The following FSTL4 variants were observed in gnomAD, a reference collection of about 807,000 sequenced individuals.
FSTL4 encodes the protein follistatin-related protein 4.
A neutral mutation model predicts 78.2 loss-of-function variants in FSTL4; 28 were observed. The ratio of observed to expected loss-of-function variants is 0.36; its 90% CI spans 0.27 to 0.49. FSTL4 has a LOEUF of 0.49. Among genes scored for constraint, FSTL4 ranks in the 20% least tolerant of loss-of-function variants. The pLI is 0.98. For synonymous variants in FSTL4, 422 were observed against 440.5 expected, an observed-to-expected ratio of 0.96 and a Z score of 0.53; for missense variants, 922 against 1,084.9, an observed-to-expected ratio of 0.85 and a Z score of 2.11.
At chr5:133,556,652 A>C (rs1159395059) in intron 3 of FSTL4, among the ~76,000 whole-genome samples, 1 of 152,146 alleles carries the variant, frequency 6.6e-6, no homozygotes, top group Non-Finnish European at 1.5e-5. Flanking sequence ...GCTTGAACCC[A>C]GGAGGCAGAG....
At chr5:133,475,705 C>T (rs1369992739) in intron 3 of FSTL4, among the ~76,000 whole-genome samples, 4 of 152,158 alleles carry the variant, frequency 2.6e-5, no homozygotes, top group South Asian at 2.1e-4. Context: ...AAGTAATAGG[C>T]AAGTCGGAAT....
At chr5:133,332,551 G>A (rs1422423563) in intron 4 of FSTL4, among the ~76,000 whole-genome samples, 26 of 152,238 alleles carry the variant, frequency 1.7e-4, no homozygotes, top group Admixed American at 1.7e-3. Context: ...ATCCCAGCAG[G>A]AGCCCTATGC....
chr5:133,320,244 C>T (rs1754013706), intron 4 of FSTL4, among the ~76,000 whole-genome samples: 1 of 152,212 alleles, frequency 6.6e-6, no homozygotes, highest in Non-Finnish European at 1.5e-5. Context: ...CTGGCCTTGG[C>T]TTCCAGGATA....
chr5:133,517,994 A>T (rs370151802), intron 3 of FSTL4, among the ~76,000 whole-genome samples: 34 of 152,356 alleles, frequency 2.2e-4, no homozygotes, highest in African/African-American at 7.9e-4. Flanking sequence ...TCATCTGAAA[A>T]GTATCTTCAC....
intron 4 of FSTL4, among the ~76,000 whole-genome samples, chr5:133,329,152 C>T (rs1367174564): frequency 1.3e-5 from 2 of 152,184 alleles, no homozygotes; most frequent in African/African-American, 2.4e-5. Context: ...ATGGACTCAT[C>T]GCACATGCAA....
chr5:133,681,434 G>A, the FSTL4 span, among the ~76,000 whole-genome samples: 3 of 152,200 alleles, frequency 2.0e-5, no homozygotes, highest in South Asian at 6.2e-4. Context: ...CTACCAGACG[G>A]ACTTGGCTGC....
rs564906268 is a variant in FSTL4 at position 133,405,564 on chromosome 5, G to A, written c.161-4578C>T. Reference sequence around the variant, plus strand: ...GTTGGGTTTCTCAATGACCCAGAGCGAGGCTTTGCCTGCGGAAGAGCCATG... The same window carrying A: ...GTTGGGTTTCTCAATGACCCAGAGCAAGGCTTTGCCTGCGGAAGAGCCATG... On this transcript the variant is annotated intron_variant, in intron 3 of 15. Transcript: ENST00000265342. Among the ~76,000 whole-genome samples the A allele has an allele frequency of 7.2e-5, 11 of 152,360 alleles. No individual in the cohort carries two copies. The South Asian group carries it at 1.7e-3, about 23-fold the overall frequency.
chr5:133,322,011 T>C (rs6859252), intron 4 of FSTL4, among the ~76,000 whole-genome samples: 111,111 of 152,092 alleles, frequency 0.73, 41,094 homozygotes, highest in African/African-American at 0.81. Flanking sequence ...TGTGTTGTTC[T>C]AAATAAGGGG....
At chr5:133,322,558 G>A (rs1372555316) in intron 4 of FSTL4, among the ~76,000 whole-genome samples, 1 of 152,190 alleles carries the variant, frequency 6.6e-6, no homozygotes, top group South Asian at 2.1e-4. Flanking sequence ...GTGGGTTGCC[G>A]CCGTGGGCAA....
At chr5:133,769,725 AG>A in the FSTL4 span, among the ~76,000 whole-genome samples, 26 of 152,334 alleles carry the variant, frequency 1.7e-4, no homozygotes, top group African/African-American at 5.5e-4. Flanking sequence ...TTATGTATTT[AG>A]GAGGTACAAG....
chr5:133,570,330 T>G (rs948002376), intron 2 of FSTL4, among the ~76,000 whole-genome samples: 2 of 152,186 alleles, frequency 1.3e-5, no homozygotes, highest in Non-Finnish European at 2.9e-5. Context: ...TTTTAAAATT[T>G]TTTTATTCTT....
chr5:133,581,861 C>T (rs1174907106), intron 2 of FSTL4, among the ~76,000 whole-genome samples: 1 of 152,218 alleles, frequency 6.6e-6, no homozygotes, highest in Non-Finnish European at 1.5e-5. Context: ...TAACACCTTA[C>T]AAACTCTTGC....
At chr5:133,666,194 A>G in the FSTL4 span, among the ~76,000 whole-genome samples, 1 of 152,218 alleles carries the variant, frequency 6.6e-6, no homozygotes, top group Non-Finnish European at 1.5e-5. Context: ...ACTACTATGG[A>G]ACTCATGTTA....
chr5:133,553,680 A>G (rs1759732155), intron 3 of FSTL4, among the ~76,000 whole-genome samples: 1 of 152,326 alleles, frequency 6.6e-6, no homozygotes, highest in Admixed American at 6.5e-5. Context: ...TAATAACAAC[A>G]GTTGTCATCA....
chr5:133,821,744 T>C, the FSTL4 span, among the ~76,000 whole-genome samples: 1 of 151,810 alleles, frequency 6.6e-6, no homozygotes, highest in East Asian at 1.9e-4. Flanking sequence ...ATCCCATGGG[T>C]TTATTAGGGA....
At chr5:133,445,273 A>T (rs1476115632) in intron 3 of FSTL4, among the ~76,000 whole-genome samples, 2 of 152,200 alleles carry the variant, frequency 1.3e-5, no homozygotes, top group Non-Finnish European at 2.9e-5. Flanking sequence ...GGGGATTTCC[A>T]GGTGAGGGAC....
chr5:133,530,120 T>A (rs1259248694), intron 3 of FSTL4, among the ~76,000 whole-genome samples: 1 of 152,246 alleles, frequency 6.6e-6, no homozygotes, highest in Non-Finnish European at 1.5e-5. Flanking sequence ...CAAATGGTTT[T>A]GAGACTTCTG....
At chr5:133,559,911 T>C (rs2112936527) in intron 3 of FSTL4, among the ~76,000 whole-genome samples, 1 of 152,318 alleles carries the variant, frequency 6.6e-6, no homozygotes, top group Non-Finnish European at 1.5e-5. Flanking sequence ...CCTGGAGCTA[T>C]GGGGTTCACA....
At chr5:133,254,434 T>A (rs1215387341) in intron 6 of FSTL4, among the ~76,000 whole-genome samples, 3 of 152,248 alleles carry the variant, frequency 2.0e-5, no homozygotes, top group African/African-American at 7.2e-5. Flanking sequence ...GGTGTGGGAC[T>A]GATTGGCCCA....
Sources: allele counts gnomAD v4.1 joint callset (sites outside exome capture counted in the v4.1 genomes callset), GRCh38; gene constraint gnomAD v4.1.1; transcripts MANE v1.5; gene names NCBI Gene and HGNC (gene_info 2026-07-23, HGNC 2026-07-21).